UNC93A: variants seen among roughly 807,000 people sequenced by gnomAD.
UNC93A encodes N-acetylglucosamine transporter UNC93A.
In UNC93A, 43 loss-of-function variants were observed where a neutral mutation model predicts 47.5. That is an observed-to-expected ratio of 0.91 (90% confidence interval 0.71 to 1.17). UNC93A has a LOEUF of 1.17. Among genes scored for constraint, UNC93A ranks in the 50% most tolerant of loss-of-function variants. The pLI is 0.00. For synonymous variants in UNC93A, 280 were observed against 258.0 expected, an observed-to-expected ratio of 1.09 and a Z score of -0.82; for missense variants, 605 against 577.6, an observed-to-expected ratio of 1.05 and a Z score of -0.49.
At chr6:167,269,781 G>T (rs1317141057), upstream of UNC93A, among the ~76,000 whole-genome samples, 81 of 150,916 alleles carry the variant, frequency 5.4e-4, no homozygotes, top group African/African-American at 1.1e-3. Flanking sequence ...TTTTTTTTGT[G>T]TGTGTGTGTG....
intron 1 of UNC93A, among the ~76,000 whole-genome samples, chr6:167,278,955 GT>G (rs1207488395): frequency 1.3e-5 from 2 of 152,196 alleles, no homozygotes; most frequent in African/African-American, 4.8e-5. Flanking sequence ...TTTGATTTGG[GT>G]TTTGATTTTT....
intron 1 of UNC93A, among the ~76,000 whole-genome samples, chr6:167,285,614 C>T (rs919707410): frequency 1.3e-5 from 2 of 151,534 alleles, no homozygotes; most frequent in Admixed American, 1.3e-4. Flanking sequence ...GCTGCTGTCT[C>T]AGGTGACGGC....
intron 3 of UNC93A, among the ~76,000 whole-genome samples, 181 bp from the exon 4 acceptor site, chr6:167,297,764 G>A (rs1778128787): frequency 6.6e-6 from 1 of 152,098 alleles, no homozygotes; most frequent in Admixed American, 6.5e-5. Context: ...TCGAGTCTAG[G>A]GACATGTGCC....
At chr6:167,292,891 C>T (rs1783872714) in intron 1 of UNC93A, among the ~76,000 whole-genome samples, 1 of 152,042 alleles carries the variant, frequency 6.6e-6, no homozygotes, top group East Asian at 1.9e-4. Flanking sequence ...AGCAGCTCCC[C>T]TGGGGTCAGC....
chr6:167,270,107 G>A (rs554959572), upstream of UNC93A, among the ~76,000 whole-genome samples: 3 of 151,332 alleles, frequency 2.0e-5, no homozygotes, highest in South Asian at 4.2e-4. Context: ...ACCCCACCGC[G>A]TTTATATCTG....
chr6:167,307,585 A>G (rs34676408), intron 6 of UNC93A, among the ~76,000 whole-genome samples, 194 bp from the exon 7 acceptor site: 89,191 of 145,750 alleles, frequency 0.61, 26,493 homozygotes, highest in East Asian at 0.81. Context: ...CGGTTGAGAT[A>G]GTTGAGATGG....
intron 4 of UNC93A, among the ~76,000 whole-genome samples, chr6:167,300,600 G>A (rs2115146275): frequency 6.6e-6 from 1 of 152,292 alleles, no homozygotes; most frequent in South Asian, 2.1e-4. Flanking sequence ...TGGACAGGGA[G>A]TCAGGAGGAG....
At chr6:167,280,851 G>A (rs1387561970) in intron 1 of UNC93A, among the ~76,000 whole-genome samples, 5 of 152,110 alleles carry the variant, frequency 3.3e-5, no homozygotes, top group South Asian at 2.1e-4. Context: ...TACTGAAAAC[G>A]CCCATCAGCA....
At chr6:167,302,135 A>G (rs146775478) in intron 4 of UNC93A, among the ~76,000 whole-genome samples, 2,573 of 152,308 alleles carry the variant, frequency 0.017, 37 homozygotes, top group Non-Finnish European at 0.029. Flanking sequence ...CACATTACCA[A>G]TGGTGCTTTC....
chr6:167,280,824 G>C (rs116298158), intron 1 of UNC93A, among the ~76,000 whole-genome samples: 2 of 152,154 alleles, frequency 1.3e-5, no homozygotes, highest in Non-Finnish European at 2.9e-5. Context: ...TTAGGTAACC[G>C]GTTGGATCAA....
chr6:167,279,491 G>A (rs968136373), intron 1 of UNC93A, among the ~76,000 whole-genome samples: 1 of 152,110 alleles, frequency 6.6e-6, no homozygotes, highest in Non-Finnish European at 1.5e-5. Context: ...ATATCTTGGT[G>A]CAAGTCATGA....
At chr6:167,293,271 G>A (rs1321503631) in intron 1 of UNC93A, among the ~76,000 whole-genome samples, 4 of 152,168 alleles carry the variant, frequency 2.6e-5, no homozygotes, top group African/African-American at 9.7e-5. Context: ...AGTGGGAGCT[G>A]CTGTCTCATG....
chr6:167,298,061 A>G lies in UNC93A; in HGVS notation c.616A>G (p.Ile206Val), dbSNP rs1244348193. 1.2e-6 allele frequency: 2 copies of G among 1,613,848 alleles called. No homozygotes were observed. ...GCAGCTGGTCTACACCCTCCTGGGC[A>G]TCTACACTGGTACGAGCTCCATCGG... ...SQQLVYTLLG[I>V]YTGSGVLAVL... The change falls in exon 4 of 8, where the codon ATC (isoleucine) becomes GTC (valine). Residue 206 changes from isoleucine to valine, a missense_variant. Ile to Val is a conservative substitution (Grantham distance 29). Transcript: ENST00000230256.
chr6:167,286,223 AGTCT>A (rs1355509032), intron 1 of UNC93A, among the ~76,000 whole-genome samples: 4 of 152,266 alleles, frequency 2.6e-5, no homozygotes, highest in Non-Finnish European at 4.4e-5. Flanking sequence ...GTACCTTTCC[AGTCT>A]GTCTGTCTAT....
intron 7 of UNC93A, among the ~76,000 whole-genome samples, chr6:167,308,119 A>G (rs993057145): frequency 6.6e-6 from 1 of 151,986 alleles, no homozygotes; most frequent in Non-Finnish European, 1.5e-5. Flanking sequence ...AAACTGGAAA[A>G]CCACCCAAGG....
intron 1 of UNC93A, among the ~76,000 whole-genome samples, chr6:167,276,597 C>T (rs1783547641): frequency 6.6e-6 from 1 of 152,148 alleles, no homozygotes; most frequent in Non-Finnish European, 1.5e-5. Flanking sequence ...GCTGAGCCTA[C>T]TCCTGCCACA....
Position 167,305,034 on chromosome 6 carries a change from G to A in UNC93A, c.841-881G>A, listed in dbSNP as rs527911479. ...ACTCCTGGAGGCTGTTGAGAGCTGG[G>A]GGCCAGAGCTGGACCAGCAAGGGCC... On this transcript the variant is annotated intron_variant, in intron 5 of 7. Coordinates refer to ENST00000230256, the MANE Select transcript of UNC93A (RefSeq NM_018974.4). Among the ~76,000 whole-genome samples, 28 of 152,344 alleles carry A rather than the reference G, an allele frequency of 1.8e-4. 1 individual carries two copies. The South Asian group carries it at 5.8e-3, about 32-fold the overall frequency.
chr6:167,285,194 C>T (rs1349476400), intron 1 of UNC93A, among the ~76,000 whole-genome samples: 1 of 151,024 alleles, frequency 6.6e-6, no homozygotes, highest in African/African-American at 2.4e-5. Context: ...CATGCCCAGT[C>T]ACACTCCCTG....
chr6:167,286,026 T>C (rs1461556225), intron 1 of UNC93A, among the ~76,000 whole-genome samples: 1 of 149,642 alleles, frequency 6.7e-6, no homozygotes, highest in Non-Finnish European at 1.5e-5. Context: ...TATATATGCA[T>C]GTCTATATAT....
Sources: allele counts gnomAD v4.1 joint callset (sites outside exome capture counted in the v4.1 genomes callset), GRCh38; gene constraint gnomAD v4.1.1; transcripts MANE v1.5; gene names NCBI Gene and HGNC (gene_info 2026-07-23, HGNC 2026-07-21).